DPYSL5: variants seen among roughly 807,000 people sequenced by gnomAD.
The protein encoded by DPYSL5 is dihydropyrimidinase-related protein 5.
In DPYSL5, 9 loss-of-function variants were observed where a neutral mutation model predicts 58.4. That is an observed-to-expected ratio of 0.15 (90% CI 0.09 to 0.27). DPYSL5 has a LOEUF of 0.27. Among genes scored for constraint, DPYSL5 ranks in the 10% least tolerant of loss-of-function variants. The pLI, the probability that DPYSL5 is intolerant of heterozygous loss-of-function variation, is 1.00. For synonymous variants in DPYSL5, 293 were observed against 301.9 expected (o/e 0.97, Z 0.31); for missense variants, 499 against 770.6 (o/e 0.65, Z 4.17).
chr2:26,942,806 C>T lies in DPYSL5; in HGVS notation c.1440+56C>T. On this transcript the variant is annotated intron_variant, in intron 11 of 12. Transcript: ENST00000288699. This position sits in a 1 kb window ranked among gnomAD's most constrained non-coding sequence, Gnocchi z 5.9. Reference sequence around the variant, plus strand: ...TTGGCGCCCCCTGCCGGGGAACATCCTCCATGACTGTTTTAAATCTCAAAG... The same window carrying T: ...TTGGCGCCCCCTGCCGGGGAACATCTTCCATGACTGTTTTAAATCTCAAAG... The T allele has an allele frequency of 6.4e-7, 1 of 1,571,332 alleles. No homozygotes were observed. Among genetic ancestry groups the T allele is most frequent in the Non-Finnish European group, 8.7e-7 (1 of 1,145,640 alleles).
rs568631170 is a variant in DPYSL5, at chr2:26,924,985, C to T, written c.360C>T (p.Ala120=). 2.4e-5 allele frequency: 38 copies of T among 1,614,148 alleles called. No individual in the cohort carries two copies. The East Asian group carries it at 5.8e-4, about 25-fold the overall frequency. ...CTTATGAGAAGTGCCGAGGTCTGGCCGACCCCAAGGTCTGCTGTGATTACG... is the reference window on the plus strand; with the variant it reads ...CTTATGAGAAGTGCCGAGGTCTGGCTGACCCCAAGGTCTGCTGTGATTACG... ...VDAYEKCRGL[A]DPKVCCDYAL... is the part of the protein sequence containing the mutation. Residue 120 remains alanine, a synonymous_variant, in exon 3 of 13, where the codon GCC becomes GCT. Transcript: ENST00000288699. The surrounding 1 kb of genome is among the most constrained non-coding windows in gnomAD (Gnocchi z 4.7).
chr2:26,889,340 G>A (rs1211673616), intron 1 of DPYSL5, among the ~76,000 whole-genome samples: 1 of 151,796 alleles, frequency 6.6e-6, no homozygotes. Context: ...TGCGATCTCA[G>A]CTCACTGCAA....
intron 1 of DPYSL5, among the ~76,000 whole-genome samples, chr2:26,853,998 C>G (rs779210005): frequency 6.6e-6 from 1 of 151,882 alleles, no homozygotes; most frequent in Admixed American, 6.6e-5. Context: ...TGTGATTACA[C>G]CACTGCACTT....
chr2:26,884,819 A>C (rs908404511), intron 1 of DPYSL5, among the ~76,000 whole-genome samples: 1 of 152,104 alleles, frequency 6.6e-6, no homozygotes, highest in Admixed American at 6.6e-5. Flanking sequence ...ATTTATATAC[A>C]CCTTCCCAGA....
At chr2:26,938,269 A>G (rs1665233349) in intron 8 of DPYSL5, among the ~76,000 whole-genome samples, 1 of 152,242 alleles carries the variant, frequency 6.6e-6, no homozygotes, top group Non-Finnish European at 1.5e-5. Flanking sequence ...GTTAAAGAGC[A>G]GGAGTTGAGC....
chr2:26,920,060 T>C (rs1664666025), intron 2 of DPYSL5, among the ~76,000 whole-genome samples: 1 of 152,216 alleles, frequency 6.6e-6, no homozygotes, highest in Non-Finnish European at 1.5e-5. Flanking sequence ...TTTTTAAATG[T>C]TATGTGTTTA....
intron 9 of DPYSL5, 83 bp from the exon 10 acceptor site, chr2:26,941,867 C>T (rs1665329239): frequency 1.9e-6 from 3 of 1,582,520 alleles, no homozygotes; most frequent in Admixed American, 3.4e-5. Flanking sequence ...GCCCTAAGTC[C>T]ATGGGCCAGC....
chr2:26,934,431 G>T lies in DPYSL5; in HGVS notation c.791-147G>T, dbSNP rs1665120606. 3 of 944,370 alleles carry T rather than the reference G, an allele frequency of 3.2e-6. No individual in the cohort carries two copies. In the African/African-American group the frequency reaches 5.0e-5, roughly 16 times the overall value. The allele number at this position is 944,370 out of a possible 1,614,324, so 58.5% of individuals were successfully genotyped here. A position where few individuals can be genotyped will look rare whatever the true frequency, so the allele number is the denominator to read the frequency against. ...GGGAGGCTCTCTGGGCTTGAACCCAGCTGTGCTCTTAAAAGCCCTGTGAGC... is the reference window on the plus strand; with the variant it reads ...GGGAGGCTCTCTGGGCTTGAACCCATCTGTGCTCTTAAAAGCCCTGTGAGC... On this transcript the variant is annotated intron_variant, in intron 7 of 12. Coordinates refer to ENST00000288699, the MANE Select transcript of DPYSL5 (RefSeq NM_020134.4). The surrounding 1 kb of genome is among the most constrained non-coding windows in gnomAD (Gnocchi z 4.3).
intron 5 of DPYSL5, among the ~76,000 whole-genome samples, chr2:26,929,172 G>A (rs768473653): frequency 2.0e-5 from 3 of 152,234 alleles, no homozygotes; most frequent in South Asian, 2.1e-4. Flanking sequence ...TAGGTTGCAC[G>A]CTCCTTATGA....
intron 1 of DPYSL5, among the ~76,000 whole-genome samples, chr2:26,871,734 C>A (rs1002955528): frequency 1.3e-5 from 2 of 152,082 alleles, no homozygotes; most frequent in African/African-American, 2.4e-5. Flanking sequence ...AGCCACCACA[C>A]CCAGCCAGAA....
At chr2:26,875,918 A>G (rs1298987198) in intron 1 of DPYSL5, among the ~76,000 whole-genome samples, 1 of 152,168 alleles carries the variant, frequency 6.6e-6, no homozygotes, top group African/African-American at 2.4e-5. Context: ...CCCAAATTCT[A>G]TTACTCCCAT....
rs1558327698 is a variant in DPYSL5 at position 26,877,462 on chromosome 2, C to T, written c.-4-21034C>T. Among the ~76,000 whole-genome samples, 1 of 152,156 alleles carries T rather than the reference C, an allele frequency of 6.6e-6. No homozygotes were observed. Among genetic ancestry groups the T allele is most frequent in the Non-Finnish European group, 1.5e-5 (1 of 68,042 alleles). ...TCTGCATTCCTGTTTTCTGTGCCTA[C>T]TACATGTGCTCCACCCCACACCTGC... On this transcript the variant is annotated intron_variant, in intron 1 of 12. Transcript: ENST00000288699. The surrounding 1 kb of genome is among the most constrained non-coding windows in gnomAD (Gnocchi z 4.1).
intron 1 of DPYSL5, among the ~76,000 whole-genome samples, chr2:26,887,631 T>C (rs1394746298): frequency 6.6e-6 from 1 of 152,202 alleles, no homozygotes; most frequent in East Asian, 1.9e-4. Context: ...CAGTTCTGCA[T>C]TGGAACTACT....
intron 1 of DPYSL5, among the ~76,000 whole-genome samples, chr2:26,885,740 G>C (rs1290221471): frequency 6.6e-6 from 1 of 152,186 alleles, no homozygotes; most frequent in Non-Finnish European, 1.5e-5. Flanking sequence ...AGGCCATTCA[G>C]GTTCTCCACT....
chr2:26,932,124 AGAAAGAAAGAAAG>A (rs1558351340), intron 6 of DPYSL5, among the ~76,000 whole-genome samples: 3 of 138,690 alleles, frequency 2.2e-5, no homozygotes, highest in African/African-American at 6.1e-5. Flanking sequence ...AAAAAGAAAG[AGAAAGAAAGAAAG>A]AGAAAGAAAG....
intron 2 of DPYSL5, among the ~76,000 whole-genome samples, chr2:26,906,288 A>G (rs1236759738): frequency 6.6e-6 from 1 of 150,926 alleles, no homozygotes; most frequent in East Asian, 2.0e-4. Context: ...GGTTCAAGAG[A>G]TTCTCCTGCC....
intron 1 of DPYSL5, among the ~76,000 whole-genome samples, chr2:26,893,687 G>A (rs1663943919): frequency 1.3e-5 from 2 of 152,110 alleles, no homozygotes; most frequent in Non-Finnish European, 2.9e-5. Context: ...GGGAGCGGGC[G>A]GAGACAAAGA....
intron 1 of DPYSL5, among the ~76,000 whole-genome samples, chr2:26,874,305 G>A (rs1440206126): frequency 6.6e-6 from 1 of 152,024 alleles, no homozygotes; most frequent in African/African-American, 2.4e-5. Context: ...TTATCTTTTA[G>A]GGTTCATGCT....
intron 2 of DPYSL5, among the ~76,000 whole-genome samples, chr2:26,914,044 A>G (rs944116787): frequency 1.3e-5 from 2 of 151,914 alleles, no homozygotes; most frequent in South Asian, 2.1e-4. Flanking sequence ...CCCTGAAGCC[A>G]GGGAGGGATC....
Sources: allele counts gnomAD v4.1 joint callset (sites outside exome capture counted in the v4.1 genomes callset), GRCh38; gene constraint gnomAD v4.1.1; non-coding constraint Gnocchi (gnomAD v3.1); transcripts MANE v1.5; gene names NCBI Gene and HGNC (gene_info 2026-07-23, HGNC 2026-07-21).